Variants in STEAP1B observed in about 807,000 individuals in gnomAD.
STEAP1B encodes the protein STEAP family member 1B.
Under a neutral mutation model 27.9 loss-of-function variants are expected in STEAP1B, and 13 were observed. That is an observed-to-expected ratio of 0.47 (90% CI 0.30 to 0.74). STEAP1B has a LOEUF of 0.74. Ranked by LOEUF, STEAP1B falls within the 30% of genes least tolerant of loss-of-function variation. The pLI, the probability that STEAP1B is intolerant of heterozygous loss-of-function variation, is 0.06. For missense variants in STEAP1B, 250 were observed against 298.7 expected, an observed-to-expected ratio of 0.84 and a Z score of 1.20; for synonymous variants, 86 against 107.1, an observed-to-expected ratio of 0.80 and a Z score of 1.22.
chr7:22,476,478 T>C (rs2128412257), intron 4 of STEAP1B, among the ~76,000 whole-genome samples: 1 of 152,282 alleles, frequency 6.6e-6, no homozygotes, highest in South Asian at 2.1e-4. Context: ...TCACTTAACA[T>C]CTTCCCCATA....
At chr7:22,446,004 G>A (rs1374678912) in intron 4 of STEAP1B, among the ~76,000 whole-genome samples, 2 of 152,148 alleles carry the variant, frequency 1.3e-5, no homozygotes, top group African/African-American at 2.4e-5. Flanking sequence ...TGAAGCATGG[G>A]CTAAGAGATC....
At chr7:22,472,673 G>A (rs900725642) in intron 4 of STEAP1B, among the ~76,000 whole-genome samples, 1 of 152,208 alleles carries the variant, frequency 6.6e-6, no homozygotes, top group Non-Finnish European at 1.5e-5. Flanking sequence ...TTCTGGTGGT[G>A]AAAGGAGTCT....
At chr7:22,461,833 C>G (rs1785683477) in intron 4 of STEAP1B, among the ~76,000 whole-genome samples, 3 of 152,206 alleles carry the variant, frequency 2.0e-5, no homozygotes, top group Admixed American at 2.0e-4. Flanking sequence ...CCAACATTTA[C>G]TTAAATTGTG....
rs374888615 is a variant in STEAP1B, at chr7:22,422,978, T to C, written c.763-3142A>G. Among the ~76,000 whole-genome samples the C allele has an allele frequency of 3.7e-4, 56 of 152,312 alleles. 1 individual carries two copies. Among genetic ancestry groups the C allele is most frequent in the Middle Eastern group, 3.4e-3 (1 of 294 alleles). On this transcript the variant is annotated intron_variant, in intron 4 of 4. Transcript: ENST00000678116. Reference sequence around the variant, plus strand: ...TTGGAGAAAAGAGATCATAAAAAACTTCATTTAAATATGAATTTGATACAA... The same window carrying C: ...TTGGAGAAAAGAGATCATAAAAAACCTCATTTAAATATGAATTTGATACAA...
chr7:22,491,358 T>A (rs1786318359), intron 4 of STEAP1B, among the ~76,000 whole-genome samples: 1 of 152,346 alleles, frequency 6.6e-6, no homozygotes, highest in Admixed American at 6.5e-5. Context: ...TTTAAGAAGT[T>A]TGCAGTATGG....
rs569466598 is a variant in STEAP1B at position 22,444,559 on chromosome 7, T to C, written c.763-24723A>G. Reference sequence around the variant, plus strand: ...ACACTACTCAAACCCATGGAGAAAATGTCCCATCGGCTGCCCGGGAGCCTC... The same window carrying C: ...ACACTACTCAAACCCATGGAGAAAACGTCCCATCGGCTGCCCGGGAGCCTC... On this transcript the variant is annotated intron_variant, in intron 4 of 4. Coordinates refer to ENST00000678116, the MANE Select transcript of STEAP1B (RefSeq NM_001382447.1). 4.6e-5 allele frequency among the ~76,000 whole-genome samples: 7 copies of C among 152,216 alleles called. 1 individual carries two copies. The East Asian group carries it at 1.4e-3, about 29-fold the overall frequency.
chr7:22,493,613 T>A lies in STEAP1B; in HGVS notation c.308A>T (p.Gln103Leu). 1 of 1,613,928 alleles carries A rather than the reference T, an allele frequency of 6.2e-7. No homozygotes were observed. The highest frequency in any genetic ancestry group is 1.1e-5 in the South Asian group (1 of 91,080). The change falls in exon 3 of 5, where the codon CAA becomes CTA. Residue 103 changes from glutamine (Q) to leucine (L), a missense_variant. Transcript: ENST00000678116. ...GATTGGAATTTTATAAAAATATTGTTGATGGGAAGTTGCTAAAGGGTGAAT... is the reference window on the plus strand; with the variant it reads ...GATTGGAATTTTATAAAAATATTGTAGATGGGAAGTTGCTAAAGGGTGAAT... ...EVIHPLATSH[Q>L]QYFYKIPILV...
chr7:22,459,002 C>T (rs1011133800), intron 4 of STEAP1B, among the ~76,000 whole-genome samples: 6 of 151,940 alleles, frequency 3.9e-5, no homozygotes, highest in African/African-American at 1.4e-4. Flanking sequence ...ACCTATAAAG[C>T]CAAAAATAGA....
chr7:22,444,886 T>C (rs780939366), intron 4 of STEAP1B, among the ~76,000 whole-genome samples: 2 of 152,190 alleles, frequency 1.3e-5, no homozygotes, highest in Non-Finnish European at 2.9e-5. Flanking sequence ...TTTCGTGAGT[T>C]TGGAGACCCA....
chr7:22,432,837 C>G (rs761996980), intron 4 of STEAP1B, among the ~76,000 whole-genome samples: 1 of 152,170 alleles, frequency 6.6e-6, no homozygotes, highest in African/African-American at 2.4e-5. Flanking sequence ...TGATCCACTA[C>G]GGATTACATA....
intron 4 of STEAP1B, among the ~76,000 whole-genome samples, chr7:22,487,348 T>C (rs1786227892): frequency 6.6e-6 from 1 of 152,066 alleles, no homozygotes; most frequent in Non-Finnish European, 1.5e-5. Flanking sequence ...TCTCAGAAAT[T>C]TACATCTGAT....
At position 22,456,972 on chromosome 7, in the gene STEAP1B, A is replaced by ATATATATATATATTTTTTTTTTTTTT; in HGVS notation, c.762+35592_762+35593insAAAAAAAAAAAAAATATATATATATA. 8.9e-4 allele frequency among the ~76,000 whole-genome samples: 51 copies of ATATATATATATATTTTTTTTTTTTTT among 57,008 alleles called. 1 individual carries two copies. Among genetic ancestry groups the ATATATATATATATTTTTTTTTTTTTT allele is most frequent in the Non-Finnish European group, 1.2e-3 (37 of 30,358 alleles). 37.4% of individuals were successfully genotyped at this position (57,008 alleles called of 152,430 possible). ...GGCAGCTATATATATATATATATAT[A>ATATATATATATATTTTTTTTTTTTTT]TTTTTTTTTTTTTTAAGTATCCTGG... On this transcript the variant is annotated intron_variant, in intron 4 of 4. Transcript: ENST00000678116.
At chr7:22,426,499 T>G (rs1400113195) in intron 4 of STEAP1B, among the ~76,000 whole-genome samples, 3 of 152,304 alleles carry the variant, frequency 2.0e-5, no homozygotes, top group African/African-American at 7.2e-5. Flanking sequence ...ACTCCCTTTC[T>G]CCACCCCAAC....
In STEAP1B at chr7:22,465,832, T is replaced by C. The variant is rs140507676; in HGVS notation, c.762+26733A>G. Among the ~76,000 whole-genome samples the C allele has an allele frequency of 5.7e-4, 87 of 152,294 alleles. 1 individual carries two copies. The highest frequency in any genetic ancestry group is 1.8e-3 in the African/African-American group (73 of 41,564). On this transcript the variant is annotated intron_variant, in intron 4 of 4. Transcript: ENST00000678116. ...TGACAGGCTGGATGAGATAACCGCA[T>C]GGCCTGTCTAGTGGTGGTGGGCTGG...
intron 4 of STEAP1B, among the ~76,000 whole-genome samples, chr7:22,444,797 AGCTGATGAGCTGT>A (rs1278414161): frequency 6.6e-6 from 1 of 152,230 alleles, no homozygotes; most frequent in Non-Finnish European, 1.5e-5. Context: ...TGGAGGTTTT[AGCTGATGAGCTGT>A]GCTCTGTATG....
chr7:22,438,737 G>A (rs975428728), intron 4 of STEAP1B: 5 of 1,551,546 alleles, frequency 3.2e-6, no homozygotes, highest in Non-Finnish European at 3.5e-6. Flanking sequence ...AAAGCTACCA[G>A]GCTTCCAGTC....
At position 22,480,139 on chromosome 7, in the gene STEAP1B, GAC is replaced by G. The variant is rs1372665000; in HGVS notation, c.762+12424_762+12425del. ...GGACATCTAGAAAAGCATTTTAAATGACTACTTTTTTGGTTGTTGTAAGCAAC... is the reference window on the plus strand; with the variant it reads ...GGACATCTAGAAAAGCATTTTAAATGTACTTTTTTGGTTGTTGTAAGCAAC... On this transcript the variant is annotated intron_variant, in intron 4 of 4. Coordinates refer to ENST00000678116, the MANE Select transcript of STEAP1B (RefSeq NM_001382447.1). Among the ~76,000 whole-genome samples, 4 of 152,158 alleles carry G rather than the reference GAC, an allele frequency of 2.6e-5. No homozygotes were observed. In the East Asian group the frequency reaches 7.7e-4, roughly 29 times the overall value.
chr7:22,450,805 G>A (rs1785475114), intron 4 of STEAP1B, among the ~76,000 whole-genome samples: 1 of 151,942 alleles, frequency 6.6e-6, no homozygotes, highest in Non-Finnish European at 1.5e-5. Flanking sequence ...CTATTTTGGG[G>A]TGTCCTCCTC....
At chr7:22,483,080 A>G (rs2128414332) in intron 4 of STEAP1B, among the ~76,000 whole-genome samples, 1 of 152,288 alleles carries the variant, frequency 6.6e-6, no homozygotes, top group South Asian at 2.1e-4. Flanking sequence ...TGCTTCTAGG[A>G]CAGTCTTTGT....
Sources: allele counts gnomAD v4.1 joint callset (sites outside exome capture counted in the v4.1 genomes callset), GRCh38; gene constraint gnomAD v4.1.1; transcripts MANE v1.5; gene names NCBI Gene and HGNC (gene_info 2026-07-23, HGNC 2026-07-21).